MYPN: variants seen among roughly 807,000 people sequenced by gnomAD.
MYPN encodes myopalladin.
In MYPN, 63 loss-of-function variants were observed where a neutral mutation model predicts 129.4. The observed-to-expected ratio is 0.49, with a 90% CI of 0.40 to 0.60. The LOEUF is 0.60. MYPN is among the 20% of genes least tolerant of loss of function. MYPN has a pLI of 0.00. For missense variants in MYPN, 1,596 were observed against 1,635.4 expected, an observed-to-expected ratio of 0.98 and a Z score of 0.42; for synonymous variants, 629 against 600.9, an observed-to-expected ratio of 1.05 and a Z score of -0.68.
Position 68,168,991 on chromosome 10 carries a change from T to TAAA in MYPN, c.1973+2352_1973+2354dup, listed in dbSNP as rs71009012. On this transcript the variant is annotated intron_variant, in intron 10 of 19. Coordinates refer to ENST00000358913, the MANE Select transcript of MYPN (RefSeq NM_032578.4). ...TGGGCGACAGAATGAGATTATTTCT[T>TAAA]AAAAAAAAAAAAAAAAAAAAAAAAA... Among the ~76,000 whole-genome samples, 189 of 80,312 alleles carry TAAA rather than the reference T, an allele frequency of 2.4e-3. 7 individuals carry two copies. Among genetic ancestry groups the TAAA allele is most frequent in the African/African-American group, 0.011 (178 of 16,070 alleles). 52.7% of individuals were successfully genotyped at this position (80,312 alleles called of 152,430 possible).
chr10:68,188,054 G>A (rs968021960), intron 12 of MYPN, among the ~76,000 whole-genome samples: 2 of 105,816 alleles, frequency 1.9e-5, no homozygotes, highest in Admixed American at 1.1e-4. Flanking sequence ...TTTGTTGTGA[G>A]GGGGGCAGAG....
At chr10:68,209,702 T>C (rs1366570866) in intron 19 of MYPN, among the ~76,000 whole-genome samples, 268 of 151,380 alleles carry the variant, frequency 1.8e-3, no homozygotes, top group Non-Finnish European at 3.2e-3. Context: ...TGTTTTTTTC[T>C]TTTTTTGAGA....
rs1401491606 is a variant in MYPN at position 68,121,528 on chromosome 10, TGA to T, written c.94_95del (p.Arg32GlufsTer20). 6 of 1,614,186 alleles carry T rather than the reference TGA, an allele frequency of 3.7e-6. No individual in the cohort carries two copies. Among genetic ancestry groups the T allele is most frequent in the Non-Finnish European group, 5.1e-6 (6 of 1,180,040 alleles). On this transcript the variant is annotated frameshift_variant, in exon 2 of 20. Transcript: ENST00000358913. LOFTEE classifies it high-confidence loss of function. ...CTGAAACCAGACATCGGGGAAACAA[TGA>T]GAGGAGTCGAGCGGAGCCCTCCTCC... ...LAETRHRGNN[E>X]RSRAEPSSNP...
chr10:68,143,973 T>C (rs1241362134), intron 3 of MYPN, among the ~76,000 whole-genome samples: 1 of 152,158 alleles, frequency 6.6e-6, no homozygotes, highest in African/African-American at 2.4e-5. Flanking sequence ...CAGGCTGTTC[T>C]TGGACTCCTC....
rs1282443178 is a variant in MYPN, at chr10:68,166,572, T to A, written c.1879T>A (p.Ser627Thr). 1 of 1,613,994 alleles carries A rather than the reference T, an allele frequency of 6.2e-7. No homozygotes were observed. Among genetic ancestry groups the A allele is most frequent in the Non-Finnish European group, 8.5e-7 (1 of 1,180,026 alleles). ...VVTTRQTRPD[S>T]FQERFNGQAT... is the part of the protein sequence containing the mutation. ...GACCACCAGACAGACCAGGCCCGAT[T>A]CTTTCCAGGAGAGGTTCAACGGACA... Residue 627 changes from serine to threonine, a missense_variant, in exon 10 of 20, where the codon TCT becomes ACT. Coordinates refer to ENST00000358913, the MANE Select transcript of MYPN (RefSeq NM_032578.4).
At chr10:68,196,784 C>T (rs1263987060) in intron 15 of MYPN, among the ~76,000 whole-genome samples, 1 of 152,010 alleles carries the variant, frequency 6.6e-6, no homozygotes, top group South Asian at 2.1e-4. Context: ...CACACCTGGC[C>T]CCCTCTCCCT....
chr10:68,167,987 A>C (rs1452312864), intron 10 of MYPN, among the ~76,000 whole-genome samples: 1 of 152,188 alleles, frequency 6.6e-6, no homozygotes, highest in East Asian at 1.9e-4. Context: ...AGGTCAGTCC[A>C]GCCTCTGTCT....
In MYPN at chr10:68,175,451, C is replaced by G; in HGVS notation, c.2693C>G (p.Pro898Arg). 1 of 1,614,006 alleles carries G rather than the reference C, an allele frequency of 6.2e-7. No individual in the cohort carries two copies. Among genetic ancestry groups the G allele is most frequent in the Non-Finnish European group, 8.5e-7 (1 of 1,179,898 alleles). ...GKKITFSDVRPNQQEYKISSF... is the reference protein window; with the variant it reads ...GKKITFSDVRRNQQEYKISSF... ...AAAATAACTTTCAGTGATGTCAGAC[C>G]AAACCAGCAGGTAAGATTGTTGGAT... Residue 898 changes from proline to arginine, a missense_variant, in exon 12 of 20, where the codon CCA becomes CGA. Transcript: ENST00000358913.
Position 68,175,438 on chromosome 10 carries a change from A to G in MYPN, c.2680A>G (p.Ser894Gly). ...AGACTTGGGGAAAAAAATAACTTTC[A>G]GTGATGTCAGACCAAACCAGCAGGT... ...IRDLGKKITF[S>G]DVRPNQQEYK... The change falls in exon 12 of 20, where the codon AGT becomes GGT. Residue 894 changes from serine to glycine, a missense_variant. Ser to Gly is a moderately conservative substitution (Grantham distance 56). Transcript: ENST00000358913. 1.2e-6 allele frequency: 2 copies of G among 1,614,176 alleles called. No individual in the cohort carries two copies. The highest frequency in any genetic ancestry group is 1.7e-6 in the Non-Finnish European group (2 of 1,179,972).
chr10:68,174,362 C>T lies in MYPN; in HGVS notation c.2270C>T (p.Thr757Ile). The T allele has an allele frequency of 6.2e-7, 1 of 1,614,168 alleles. No individual in the cohort carries two copies. The highest frequency in any genetic ancestry group is 8.5e-7 in the Non-Finnish European group (1 of 1,180,038). Residue 757 changes from threonine (T) to isoleucine (I), a missense_variant, in exon 11 of 20, where the codon ACA (threonine) becomes ATA (isoleucine). Coordinates refer to ENST00000358913, the MANE Select transcript of MYPN (RefSeq NM_032578.4). ...LSSTPQTIQR[T>I]VSKESLLVSH... Reference sequence around the variant, plus strand: ...AGCACTCCTCAAACTATTCAGAGGACAGTGAGCAAAGAAAGCCTCTTAGTG... The same window carrying T: ...AGCACTCCTCAAACTATTCAGAGGATAGTGAGCAAAGAAAGCCTCTTAGTG...
At chr10:68,193,368 G>A (rs1256845471) in intron 13 of MYPN, among the ~76,000 whole-genome samples, 3 of 152,136 alleles carry the variant, frequency 2.0e-5, no homozygotes, top group Non-Finnish European at 2.9e-5. Flanking sequence ...TAAAATAAAT[G>A]TCTTAGTCAT....
chr10:68,166,024 T>G (rs538714106), intron 9 of MYPN, among the ~76,000 whole-genome samples: 2 of 152,380 alleles, frequency 1.3e-5, no homozygotes, highest in East Asian at 3.9e-4. Flanking sequence ...GTTAACCTGC[T>G]GTCATCACTA....
chr10:68,147,364 C>G (rs867233350), intron 4 of MYPN, among the ~76,000 whole-genome samples: 2 of 152,132 alleles, frequency 1.3e-5, no homozygotes, highest in East Asian at 3.9e-4. Context: ...GCCATATTGG[C>G]CAGGCTGGTC....
upstream of MYPN, among the ~76,000 whole-genome samples, chr10:68,103,880 C>T (rs2041993876): frequency 6.6e-6 from 1 of 152,140 alleles, no homozygotes; most frequent in Non-Finnish European, 1.5e-5. Context: ...AACCTGGGAG[C>T]TGGAGGTTGC....
chr10:68,147,583 C>A (rs1267282902), intron 4 of MYPN, among the ~76,000 whole-genome samples: 2 of 152,200 alleles, frequency 1.3e-5, no homozygotes, highest in East Asian at 3.8e-4. Flanking sequence ...AGGCCCATGT[C>A]CCAAATCCCA....
intron 1 of MYPN, among the ~76,000 whole-genome samples, chr10:68,095,359 A>AAG (rs1267528124): frequency 6.6e-6 from 1 of 151,970 alleles, no homozygotes; most frequent in African/African-American, 2.4e-5. Flanking sequence ...CAAAAAAAAA[A>AAG]AAAAAAATTA....
At chr10:68,125,701 A>C (rs1342963832) in intron 2 of MYPN, among the ~76,000 whole-genome samples, 1 of 152,224 alleles carries the variant, frequency 6.6e-6, no homozygotes, top group Non-Finnish European at 1.5e-5. Context: ...AAGTCAAAGA[A>C]GTCTTCAGAG....
chr10:68,211,004 CTT>C lies in MYPN; in HGVS notation c.*552_*553del, dbSNP rs1323513519. 6 of 453,974 alleles carry C rather than the reference CTT, an allele frequency of 1.3e-5. No homozygotes were observed. The highest frequency in any genetic ancestry group is 2.4e-5 in the Admixed American group (1 of 42,544). The allele number at this position is 453,974 out of a possible 1,614,324, so 28.1% of individuals were successfully genotyped here. Reference sequence around the variant, plus strand: ...TACAACTCACGTATGCGGGCAAACACTTTTGATTTGCATATCCTGGGTGTACT... The same window carrying C: ...TACAACTCACGTATGCGGGCAAACACTTGATTTGCATATCCTGGGTGTACT... On this transcript the variant is annotated 3_prime_UTR_variant, in exon 20 of 20. Coordinates refer to ENST00000358913, the MANE Select transcript of MYPN (RefSeq NM_032578.4).
At chr10:68,110,572 T>C (rs2133961985) in intron 1 of MYPN, among the ~76,000 whole-genome samples, 2 of 152,268 alleles carry the variant, frequency 1.3e-5, no homozygotes, top group Middle Eastern at 6.8e-3. Context: ...TCCAGTTTTC[T>C]TTCTCAAAAA....
Sources: gnomAD v4.1 joint callset for allele counts (sites outside exome capture counted in the v4.1 genomes callset) on GRCh38, gnomAD v4.1.1 for gene constraint, MANE v1.5 for transcripts, NCBI Gene and HGNC (gene_info 2026-07-23, HGNC 2026-07-21) for gene names.